CPLX2: variants seen among roughly 807,000 people sequenced by gnomAD.
The protein encoded by CPLX2 is complexin 2.
Under a neutral mutation model 16.3 loss-of-function variants are expected in CPLX2, and 5 were observed. The observed-to-expected ratio is 0.31, with a 90% CI of 0.16 to 0.64. The LOEUF is 0.64. CPLX2 is among the 30% of genes least tolerant of loss of function. The pLI is 0.79. For missense variants in CPLX2, 144 were observed against 181.4 expected, an observed-to-expected ratio of 0.79 and a Z score of 1.18; for synonymous variants, 89 against 73.2, an observed-to-expected ratio of 1.22 and a Z score of -1.10.
Position 175,833,610 on chromosome 5 carries a change from T to G in CPLX2, c.-89+24542T>G, listed in dbSNP as rs984595582. On this transcript the variant is annotated intron_variant, in intron 2 of 4. Transcript: ENST00000359546. Reference sequence around the variant, plus strand: ...AGGTCAAAGGCTCCAGCCCAAAGCCTAGATCCCACTCCAGGACTCTTTGAG... The same window carrying G: ...AGGTCAAAGGCTCCAGCCCAAAGCCGAGATCCCACTCCAGGACTCTTTGAG... 3.9e-5 allele frequency among the ~76,000 whole-genome samples: 6 copies of G among 152,210 alleles called. No individual in the cohort carries two copies. The South Asian group carries it at 1.2e-3, about 32-fold the overall frequency.
At chr5:175,801,643 C>G (rs1210357769) in intron 1 of CPLX2, among the ~76,000 whole-genome samples, 1 of 152,118 alleles carries the variant, frequency 6.6e-6, no homozygotes, top group African/African-American at 2.4e-5. Context: ...CGATGAGAGT[C>G]CAAAGACTTA....
intron 1 of CPLX2, among the ~76,000 whole-genome samples, chr5:175,874,129 A>G (rs1446794611): frequency 6.6e-6 from 1 of 152,192 alleles, no homozygotes; most frequent in Non-Finnish European, 1.5e-5. Flanking sequence ...TATGCATGAG[A>G]AAATCTGCCC....
upstream of CPLX2, among the ~76,000 whole-genome samples, chr5:175,869,177 G>A (rs60340204): frequency 0.067 from 10,269 of 152,258 alleles, 535 homozygotes; most frequent in East Asian, 0.15. Context: ...TGGCTAAAGT[G>A]TCATGATTTA....
At chr5:175,853,740 G>A (rs1759200390) in intron 2 of CPLX2, among the ~76,000 whole-genome samples, 1 of 152,202 alleles carries the variant, frequency 6.6e-6, no homozygotes, top group African/African-American at 2.4e-5. Context: ...GGAAAGGGCG[G>A]TTCTGGAACC....
chr5:175,849,873 C>T lies in CPLX2; in HGVS notation c.-88-28779C>T, dbSNP rs1335371353. ...GGTGGGCTCTCAGCAAACATGAGTC[C>T]CTTCCTCAAATATTAATGGAATTGT... On this transcript the variant is annotated intron_variant, in intron 2 of 4. Coordinates refer to the CPLX2 transcript ENST00000359546. The surrounding 1 kb of genome is among the most constrained non-coding windows in gnomAD (Gnocchi z 4.4). Among the ~76,000 whole-genome samples the T allele has an allele frequency of 6.6e-6, 1 of 152,220 alleles. No homozygotes were observed. The highest frequency in any genetic ancestry group is 1.5e-5 in the Non-Finnish European group (1 of 68,040).
chr5:175,818,034 C>G (rs899436564), intron 2 of CPLX2, among the ~76,000 whole-genome samples: 3 of 152,182 alleles, frequency 2.0e-5, no homozygotes, highest in African/African-American at 4.8e-5. Flanking sequence ...CTGCCTGGCC[C>G]CAGGCTGAGC....
Position 175,850,395 on chromosome 5 carries a change from G to A in CPLX2, c.-88-28257G>A, listed in dbSNP as rs138420069. 6.0e-4 allele frequency among the ~76,000 whole-genome samples: 92 copies of A among 152,318 alleles called. 1 individual carries two copies. In the South Asian group the frequency reaches 9.3e-3, roughly 15 times the overall value. On this transcript the variant is annotated intron_variant, in intron 2 of 4. Transcript: ENST00000359546. ...ACAGAGGCAGGAAAGCTGCACAGGCGCAGGGAGCCTCCAGAGGTTCCTTTC... is the reference window on the plus strand; with the variant it reads ...ACAGAGGCAGGAAAGCTGCACAGGCACAGGGAGCCTCCAGAGGTTCCTTTC...
rs143929487 is a variant in CPLX2, at chr5:175,873,294, C to T, written c.-89+1589C>T. 2.5e-3 allele frequency among the ~76,000 whole-genome samples: 374 copies of T among 152,038 alleles called. 4 individuals carry two copies. Among genetic ancestry groups the T allele is most frequent in the African/African-American group, 8.5e-3 (351 of 41,460 alleles). ...CACACACCCTGCACACACGCACGCA[C>T]TCACACGATGTCTAAGTCCAGAGTT... On this transcript the variant is annotated intron_variant, in intron 1 of 3. Transcript: ENST00000393745.
At chr5:175,815,189 G>T (rs1758383804) in intron 2 of CPLX2, among the ~76,000 whole-genome samples, 1 of 152,228 alleles carries the variant, frequency 6.6e-6, no homozygotes, top group African/African-American at 2.4e-5. Flanking sequence ...GCAGTGGTCT[G>T]CTGTACCTGA....
chr5:175,863,187 C>T (rs1363851863), intron 2 of CPLX2, among the ~76,000 whole-genome samples: 4 of 152,198 alleles, frequency 2.6e-5, no homozygotes, highest in East Asian at 1.9e-4. Context: ...CCTACAGCTC[C>T]GTCACTTTTG....
chr5:175,817,004 C>T (rs190176894), intron 2 of CPLX2, among the ~76,000 whole-genome samples: 17 of 152,348 alleles, frequency 1.1e-4, no homozygotes, highest in African/African-American at 2.6e-4. Flanking sequence ...GACCCAAGAG[C>T]GACTGCAGCT....
upstream of CPLX2, among the ~76,000 whole-genome samples, chr5:175,869,862 C>T (rs1369914362): frequency 1.3e-5 from 2 of 152,172 alleles, no homozygotes; most frequent in Non-Finnish European, 2.9e-5. Context: ...ATTTGTAGCC[C>T]AGCTCAGTTG....
rs116664850 is a variant in CPLX2 at position 175,877,480 on chromosome 5, C to G, written c.-88-1172C>G. Among the ~76,000 whole-genome samples the G allele has an allele frequency of 2.1e-3, 319 of 152,288 alleles. 4 individuals are homozygous for G. Among genetic ancestry groups the G allele is most frequent in the African/African-American group, 7.4e-3 (307 of 41,568 alleles). On this transcript the variant is annotated intron_variant, in intron 1 of 3. Coordinates refer to ENST00000393745, the MANE Select transcript of CPLX2 (RefSeq NM_001008220.2). ...CATCTGCCACCCTTTCCCAGGAACC[C>G]TTTTTCTTCCTTGCAAGGCTGTGTG...
At position 175,841,687 on chromosome 5, in the gene CPLX2, C is replaced by T. The variant is rs183453546; in HGVS notation, c.-89+32619C>T. Among the ~76,000 whole-genome samples the T allele has an allele frequency of 8.8e-3, 1,341 of 152,290 alleles. 19 individuals are homozygous for T. Among genetic ancestry groups the T allele is most frequent in the African/African-American group, 0.031 (1,276 of 41,550 alleles). Reference sequence around the variant, plus strand: ...CAGAGGCATCCTCTCAAGTGGCTCTCAGATGTGTAGGAGGGCCATGTCTCC... The same window carrying T: ...CAGAGGCATCCTCTCAAGTGGCTCTTAGATGTGTAGGAGGGCCATGTCTCC... On this transcript the variant is annotated intron_variant, in intron 2 of 4. Transcript: ENST00000359546.
chr5:175,818,739 G>A (rs894460761), intron 2 of CPLX2, among the ~76,000 whole-genome samples: 4 of 127,774 alleles, frequency 3.1e-5, no homozygotes, highest in Non-Finnish European at 4.7e-5. Flanking sequence ...TCGGTTCACT[G>A]CAACCTCTGT....
At chr5:175,867,410 C>G (rs576719915), upstream of CPLX2, among the ~76,000 whole-genome samples, 1 of 152,212 alleles carries the variant, frequency 6.6e-6, no homozygotes, top group East Asian at 1.9e-4. Context: ...TGGGGCATTA[C>G]TGGCTGACAG....
At chr5:175,799,886 C>G (rs921257412) in intron 1 of CPLX2, among the ~76,000 whole-genome samples, 3 of 151,904 alleles carry the variant, frequency 2.0e-5, no homozygotes, top group African/African-American at 7.3e-5. Flanking sequence ...TTCTTTCTGG[C>G]TGCTGTGTTA....
chr5:175,876,396 T>C (rs1204112485), intron 1 of CPLX2, among the ~76,000 whole-genome samples: 1 of 151,194 alleles, frequency 6.6e-6, no homozygotes, highest in Non-Finnish European at 1.5e-5. Flanking sequence ...GAGGTCAGAG[T>C]TATGGGGAAG....
chr5:175,832,992 C>A (rs1445019289), intron 2 of CPLX2, among the ~76,000 whole-genome samples: 1 of 152,074 alleles, frequency 6.6e-6, no homozygotes, highest in Non-Finnish European at 1.5e-5. Flanking sequence ...CCCGTCTCTA[C>A]TACAAATACA....
Sources: allele counts gnomAD v4.1 joint callset (sites outside exome capture counted in the v4.1 genomes callset), GRCh38; gene constraint gnomAD v4.1.1; non-coding constraint Gnocchi (gnomAD v3.1); transcripts MANE v1.5; gene names NCBI Gene and HGNC (gene_info 2026-07-23, HGNC 2026-07-21).